USP6: variants seen among roughly 807,000 people sequenced by gnomAD.
The protein encoded by USP6 is ubiquitin carboxyl-terminal hydrolase 6.
Under a neutral mutation model 175.7 loss-of-function variants are expected in USP6, and 128 were observed. The observed-to-expected ratio is 0.73, with a 90% CI of 0.63 to 0.84. The LOEUF (loss-of-function observed/expected upper bound fraction) is 0.84. Among genes scored for constraint, USP6 ranks in the 40% least tolerant of loss-of-function variants. The probability of loss-of-function intolerance (pLI) is 0.00; values close to 1 mark genes in which losing one functional copy is unlikely to be tolerated. For synonymous variants in USP6, 562 were observed against 630.6 expected, an observed-to-expected ratio of 0.89 and a Z score of 1.63; for missense variants, 1,498 against 1,760.3, an observed-to-expected ratio of 0.85 and a Z score of 2.67.
At position 5,170,370 on chromosome 17, in the gene USP6, C is replaced by T. The variant is rs1309701522; in HGVS notation, c.3518-109C>T. On this transcript the variant is annotated intron_variant, in intron 35 of 37. Transcript: ENST00000574788. ...GGGTAGCCAGTCATGACTCCCCTGTCTTTACCTTTGTGTGTACAGTTGCAA... is the reference window on the plus strand; with the variant it reads ...GGGTAGCCAGTCATGACTCCCCTGTTTTTACCTTTGTGTGTACAGTTGCAA... 2.7e-6 allele frequency: 4 copies of T among 1,485,386 alleles called. No individual in the cohort carries two copies. In the Admixed American group the frequency reaches 7.3e-5, roughly 27 times the overall value. 92.0% of individuals were successfully genotyped at this position (1,485,386 alleles called of 1,614,324 possible).
intron 33 of USP6, among the ~76,000 whole-genome samples, chr17:5,163,362 G>A (rs188391843): frequency 1.8e-3 from 268 of 152,282 alleles, no homozygotes; most frequent in Non-Finnish European, 3.0e-3. Flanking sequence ...TCATAACATG[G>A]CAGAGAAGAG....
intron 11 of USP6, among the ~76,000 whole-genome samples, chr17:5,131,678 C>T (rs994632247): frequency 6.6e-6 from 1 of 150,428 alleles, no homozygotes; most frequent in Non-Finnish European, 1.5e-5. Context: ...GCCAGGGAGG[C>T]AGCAGGGCTT....
At chr17:5,141,260 C>A (rs1227747074) in intron 22 of USP6, among the ~76,000 whole-genome samples, 165 bp from the exon 23 acceptor site, 1 of 151,950 alleles carries the variant, frequency 6.6e-6, no homozygotes, top group African/African-American at 2.4e-5. Context: ...TGATGCATTT[C>A]TCAGAATGTA....
rs573019414 is a variant in USP6, at chr17:5,139,814, TG to T, written c.1498+141del. The T allele has an allele frequency of 1.1e-5, 17 of 1,594,832 alleles. 1 individual carries two copies. In the South Asian group the frequency reaches 1.9e-4, roughly 18 times the overall value. ...GCAGTGCGCTCCCACTTCAGGGCCT[TG>T]CCTCTGCCACCTCTACTTGGAAAGT... is the stretch of plus-strand genomic sequence containing the variant. On this transcript the variant is annotated intron_variant, in intron 22 of 37. Transcript: ENST00000574788.
chr17:5,145,969 A>G, intron 27 of USP6, 54 bp from the exon 28 acceptor site: 1 of 1,522,128 alleles, frequency 6.6e-7, no homozygotes, highest in Non-Finnish European at 8.8e-7. Flanking sequence ...ACAGCATTTA[A>G]GGCTTTCAAT....
chr17:5,144,236 A>G (rs2073541492), intron 25 of USP6, among the ~76,000 whole-genome samples: 1 of 151,970 alleles, frequency 6.6e-6, no homozygotes, highest in African/African-American at 2.4e-5. Flanking sequence ...ATAAAATAAT[A>G]TATACACATA....
intron 29 of USP6, 77 bp from the exon 30 acceptor site, chr17:5,148,478 TC>T: frequency 6.6e-7 from 1 of 1,509,552 alleles, no homozygotes; most frequent in Non-Finnish European, 9.1e-7. Flanking sequence ...CTGTCTCTCG[TC>T]CTCAGGATAC....
chr17:5,155,824 T>C (rs1161975750), intron 31 of USP6, among the ~76,000 whole-genome samples: 1 of 152,180 alleles, frequency 6.6e-6, no homozygotes, highest in African/African-American at 2.4e-5. Context: ...GGCTTGATAT[T>C]TGGAGTAGGA....
intron 21 of USP6, among the ~76,000 whole-genome samples, chr17:5,138,707 A>G (rs1331190039): frequency 3.9e-5 from 6 of 152,174 alleles, no homozygotes; most frequent in Non-Finnish European, 7.4e-5. Flanking sequence ...CAAGGGAGAC[A>G]AGGGAATCGG....
At chr17:5,148,957 G>A (rs2073688270) in intron 30 of USP6, among the ~76,000 whole-genome samples, 190 bp downstream of exon 30, 1 of 151,960 alleles carries the variant, frequency 6.6e-6, no homozygotes, top group Non-Finnish European at 1.5e-5. Context: ...TGCTATGAAT[G>A]TATTTTCAAT....
chr17:5,133,721 G>GACC (rs879584886), intron 14 of USP6, among the ~76,000 whole-genome samples, 166 bp from the exon 15 acceptor site: 16 of 152,074 alleles, frequency 1.1e-4, no homozygotes, highest in Non-Finnish European at 2.1e-4. Context: ...CGGCTGTGGT[G>GACC]ACCCTCCCTG....
intron 30 of USP6, among the ~76,000 whole-genome samples, chr17:5,150,580 C>T (rs1041389341): frequency 1.3e-5 from 2 of 151,354 alleles, no homozygotes; most frequent in Non-Finnish European, 1.5e-5. Context: ...CTGCAGCCTC[C>T]ACCTCCTGGG....
At chr17:5,168,369 A>G (rs1002298673) in intron 34 of USP6, among the ~76,000 whole-genome samples, 2 of 152,246 alleles carry the variant, frequency 1.3e-5, no homozygotes, top group Non-Finnish European at 2.9e-5. Context: ...AGTAACTGCA[A>G]TTCAGTGCGA....
chr17:5,133,115 G>A, intron 13 of USP6, 125 bp downstream of exon 13: 1 of 1,169,866 alleles, frequency 8.5e-7, no homozygotes, highest in Non-Finnish European at 1.2e-6. Context: ...TCGCCCAGAG[G>A]ACTGCAGGCC....
intron 31 of USP6, among the ~76,000 whole-genome samples, chr17:5,161,140 T>G (rs139446577): frequency 6.6e-6 from 1 of 152,392 alleles, no homozygotes; most frequent in African/African-American, 2.4e-5. Flanking sequence ...ATATACAGCT[T>G]TCTGCAATGT....
chr17:5,126,715 C>T (rs998318916), intron 6 of USP6: 1 of 152,304 alleles, frequency 6.6e-6, no homozygotes, highest in Non-Finnish European at 1.5e-5. Flanking sequence ...TCTCTCTCCT[C>T]ATCTCGCTTC....
intron 7 of USP6, 67 bp downstream of exon 7, chr17:5,127,706 A>T (rs1597979366): frequency 6.6e-6 from 1 of 152,206 alleles, no homozygotes; most frequent in East Asian, 1.9e-4. Context: ...GGGATGCCAA[A>T]ATCCATGGAT....
At chr17:5,149,932 GT>G (rs1425969781) in intron 30 of USP6, among the ~76,000 whole-genome samples, 1 of 152,114 alleles carries the variant, frequency 6.6e-6, no homozygotes. Flanking sequence ...AGCAACCTAT[GT>G]TTTAGTTCTA....
Position 5,142,510 on chromosome 17 carries a change from G to A in USP6, c.1818+8G>A, listed in dbSNP as rs2073477522. 6.3e-7 allele frequency: 1 copy of A among 1,599,398 alleles called. No homozygotes were observed. Among genetic ancestry groups the A allele is most frequent in the African/African-American group, 1.3e-5 (1 of 74,186 alleles). The stretch of plus-strand genomic sequence containing the variant: ...GCCCCATTAAAGCTTCGGGTAAGCA[G>A]GTTAAAATAATATAAAAGTATTTAA... On this transcript the variant is annotated splice_region_variant and intron_variant, in intron 25 of 37. Coordinates refer to ENST00000574788, the MANE Select transcript of USP6 (RefSeq NM_001304284.2).
Sources: gnomAD v4.1 joint callset for allele counts (sites outside exome capture counted in the v4.1 genomes callset) on GRCh38, gnomAD v4.1.1 for gene constraint, MANE v1.5 for transcripts, NCBI Gene and HGNC (gene_info 2026-07-23, HGNC 2026-07-21) for gene names.